Variants in CBLN2 observed in about 807,000 individuals in gnomAD.
CBLN2 encodes cerebellin-2.
Under a neutral mutation model 15.0 loss-of-function variants are expected in CBLN2, and 7 were observed. The observed-to-expected ratio is 0.47, with a 90% confidence interval of 0.27 to 0.88. CBLN2 has a LOEUF of 0.88. Ranked by LOEUF, CBLN2 falls within the 40% of genes least tolerant of loss-of-function variation. The pLI is 0.14. For synonymous variants in CBLN2, 149 were observed against 135.2 expected (o/e 1.10, Z -0.71); for missense variants, 242 against 304.5 (o/e 0.79, Z 1.53).
At chr18:72,583,100 G>C (rs1347185533) in intron 1 of CBLN2, among the ~76,000 whole-genome samples, 1 of 152,094 alleles carries the variant, frequency 6.6e-6, no homozygotes, top group South Asian at 2.1e-4. Flanking sequence ...CCCAGGCCTC[G>C]AGGGCAGGGA....
chr18:72,587,867 AATAG>A (rs761563612), intron 1 of CBLN2, among the ~76,000 whole-genome samples: 14 of 152,318 alleles, frequency 9.2e-5, no homozygotes, highest in Non-Finnish European at 2.1e-4. Context: ...ATAACAATGA[AATAG>A]ATAATCTTTT....
chr18:72,578,128 A>G (rs1568122237), intron 1 of CBLN2, among the ~76,000 whole-genome samples: 1 of 152,194 alleles, frequency 6.6e-6, no homozygotes, highest in African/African-American at 2.4e-5. Context: ...TACCCAGAGT[A>G]TTGTTATAGG....
rs540181897 is a variant in CBLN2, at chr18:72,635,445, G to A, written c.15+2880C>T. Among the ~76,000 whole-genome samples the A allele has an allele frequency of 3.9e-5, 6 of 152,212 alleles. No homozygotes were observed. The East Asian group carries it at 1.2e-3, about 29-fold the overall frequency. On this transcript the variant is annotated intron_variant, in intron 1 of 2. Coordinates refer to the CBLN2 transcript ENST00000581073. ...GGGGGTGTTAAGTGCTATGAAGAAT[G>A]CCTTTCAAAGTAAAGTTGTAAATCT...
intron 1 of CBLN2, among the ~76,000 whole-genome samples, chr18:72,584,538 A>T (rs931820580): frequency 2.0e-5 from 3 of 151,746 alleles, no homozygotes; most frequent in Admixed American, 1.3e-4. Context: ...TTTTGACCTC[A>T]TGATCCACCC....
chr18:72,586,184 T>A (rs1303203062), intron 1 of CBLN2, among the ~76,000 whole-genome samples: 1 of 152,220 alleles, frequency 6.6e-6, no homozygotes, highest in Non-Finnish European at 1.5e-5. Context: ...ATGCCTCCCC[T>A]GCTGCAGCCA....
chr18:72,562,968 A>G (rs1157261893), intron 1 of CBLN2, among the ~76,000 whole-genome samples: 4 of 152,234 alleles, frequency 2.6e-5, no homozygotes, highest in South Asian at 2.1e-4. Flanking sequence ...TTTTAGCGAG[A>G]GGTGCTCAAA....
In CBLN2 at chr18:72,627,147, T is replaced by A. The variant is rs372259808; in HGVS notation, c.15+11178A>T. On this transcript the variant is annotated intron_variant, in intron 1 of 2. Transcript: ENST00000581073. The stretch of plus-strand genomic sequence containing the variant: ...GTATCTATTGCATATCCATTGAATA[T>A]TCAAGTGGAGAAATATGCACTGCAT... Among the ~76,000 whole-genome samples the A allele has an allele frequency of 1.9e-4, 29 of 152,302 alleles. No homozygotes were observed. In the East Asian group the frequency reaches 2.3e-3, roughly 12 times the overall value.
At chr18:72,583,013 T>C (rs1416468986) in intron 1 of CBLN2, among the ~76,000 whole-genome samples, 2 of 152,172 alleles carry the variant, frequency 1.3e-5, no homozygotes, top group Non-Finnish European at 2.9e-5. Flanking sequence ...ATGGACTAGC[T>C]TTCTCCCTTC....
At chr18:72,539,163 C>T (rs1421704642) in intron 3 of CBLN2, 1 of 161,692 alleles carries the variant, frequency 6.2e-6, no homozygotes, top group East Asian at 2.2e-4. Context: ...AGCATGATGC[C>T]TTGTTTGACA....
intron 1 of CBLN2, among the ~76,000 whole-genome samples, chr18:72,604,915 C>T (rs1026127096): frequency 1.3e-5 from 2 of 152,210 alleles, no homozygotes; most frequent in African/African-American, 4.8e-5. Flanking sequence ...TATTTTCAAT[C>T]TGGCTAGACC....
chr18:72,631,658 A>G (rs2069777774), intron 1 of CBLN2, among the ~76,000 whole-genome samples: 1 of 152,096 alleles, frequency 6.6e-6, no homozygotes, highest in African/African-American at 2.4e-5. Flanking sequence ...GAAGTCCCGG[A>G]ATTAGAATCT....
chr18:72,590,122 G>A (rs886703060), intron 1 of CBLN2, among the ~76,000 whole-genome samples: 14 of 152,084 alleles, frequency 9.2e-5, no homozygotes, highest in African/African-American at 2.9e-4. Context: ...AAAATTAGCC[G>A]GGCATGGTGG....
At chr18:72,602,377 T>C (rs1417224626) in intron 1 of CBLN2, among the ~76,000 whole-genome samples, 1 of 152,198 alleles carries the variant, frequency 6.6e-6, no homozygotes, top group Non-Finnish European at 1.5e-5. Flanking sequence ...ACGCTTCTGG[T>C]ATCCCATTCC....
intron 1 of CBLN2, among the ~76,000 whole-genome samples, chr18:72,570,048 T>C (rs1599003795): frequency 6.6e-6 from 1 of 152,188 alleles, no homozygotes; most frequent in African/African-American, 2.4e-5. Context: ...AGTGTATACA[T>C]ACAATTGATT....
intron 1 of CBLN2, among the ~76,000 whole-genome samples, chr18:72,636,517 T>A (rs992054183): frequency 1.3e-5 from 2 of 152,174 alleles, no homozygotes; most frequent in African/African-American, 4.8e-5. Flanking sequence ...TTTCACCAGC[T>A]GGGCACAAAT....
intron 1 of CBLN2, among the ~76,000 whole-genome samples, chr18:72,556,665 G>C (rs1375460743): frequency 6.6e-6 from 1 of 152,140 alleles, no homozygotes; most frequent in South Asian, 2.1e-4. Context: ...GACTTTACTA[G>C]TGAGACTACT....
chr18:72,615,716 G>A (rs1278638549), intron 1 of CBLN2, among the ~76,000 whole-genome samples: 4 of 152,108 alleles, frequency 2.6e-5, no homozygotes, highest in Non-Finnish European at 5.9e-5. Flanking sequence ...GATTGTCTAT[G>A]AAGCGTGACC....
chr18:72,607,530 G>A (rs2069591083), intron 1 of CBLN2, among the ~76,000 whole-genome samples: 1 of 152,102 alleles, frequency 6.6e-6, no homozygotes, highest in South Asian at 2.1e-4. Flanking sequence ...CTTCCTTGTT[G>A]CTTCTAGAGC....
At chr18:72,567,994 T>C (rs12953566) in intron 1 of CBLN2, among the ~76,000 whole-genome samples, 1 of 152,218 alleles carries the variant, frequency 6.6e-6, no homozygotes, top group Admixed American at 6.5e-5. Context: ...TTCTTTTTTG[T>C]TGTTGTTGTT....
Sources: allele counts gnomAD v4.1 joint callset (sites outside exome capture counted in the v4.1 genomes callset), GRCh38; gene constraint gnomAD v4.1.1; transcripts MANE v1.5; gene names NCBI Gene and HGNC (gene_info 2026-07-23, HGNC 2026-07-21).